Variants in FUNDC2 observed in about 807,000 individuals in gnomAD.
FUNDC2 encodes FUN14 domain-containing protein 2.
A neutral mutation model predicts 15.6 loss-of-function variants in FUNDC2; 4 were observed. The observed-to-expected ratio is 0.26, with a 90% CI of 0.13 to 0.59. The LOEUF is 0.59. Ranked by LOEUF, FUNDC2 falls within the 20% of genes least tolerant of loss-of-function variation. The pLI is 0.90. For synonymous variants in FUNDC2, 44 were observed against 56.9 expected, an observed-to-expected ratio of 0.77 and a Z score of 1.02; for missense variants, 98 against 149.7, an observed-to-expected ratio of 0.65 and a Z score of 1.80.
chrX:155,031,544 G>C (rs1182644701), intron 1 of FUNDC2, among the ~76,000 whole-genome samples: 1 of 112,207 alleles, frequency 8.9e-6, no homozygotes, highest in Non-Finnish European at 1.9e-5. Context: ...TGGCCAGGCT[G>C]GTCTTGAACT....
At chrX:155,038,682 A>G (rs1224819884) in intron 2 of FUNDC2, among the ~76,000 whole-genome samples, 1 of 112,612 alleles carries the variant, frequency 8.9e-6, no homozygotes, top group Non-Finnish European at 1.9e-5. Flanking sequence ...ACAAATATCA[A>G]GATTTCCTTT....
intron 3 of FUNDC2, chrX:155,050,577 C>T (rs781966167): frequency 1.3e-4 from 15 of 112,072 alleles, no homozygotes; most frequent in African/African-American, 3.6e-4. Context: ...GTAATTTGTT[C>T]TTTTTAGTAC....
chrX:155,033,645 A>G (rs1464902079), intron 2 of FUNDC2, 92 bp downstream of exon 2: 8 of 875,449 alleles, frequency 9.1e-6, no homozygotes, highest in Non-Finnish European at 1.3e-5. Flanking sequence ...GTGAAAACAC[A>G]TTGGCTTCTG....
In FUNDC2 at chrX:155,030,367, C is replaced by CAAA. The variant is rs1275771643; in HGVS notation, c.134-3013_134-3011dup. The stretch of plus-strand genomic sequence containing the variant: ...GCAACAAAGTGAGACCTCCTGTCTA[C>CAAA]AAAAAAAAAAAAAAAAAAAAAAAAA... On this transcript the variant is annotated intron_variant, in intron 1 of 4. Coordinates refer to ENST00000369498, the MANE Select transcript of FUNDC2 (RefSeq NM_023934.4). 7.4e-3 allele frequency among the ~76,000 whole-genome samples: 188 copies of CAAA among 25,248 alleles called. 1 individual carries two copies. Among genetic ancestry groups the CAAA allele is most frequent in the East Asian group, 9.9e-3 (7 of 706 alleles). 21.9% of individuals were successfully genotyped at this position (25,248 alleles called of 115,157 possible).
chrX:155,034,744 T>G (rs1347320526), intron 2 of FUNDC2, among the ~76,000 whole-genome samples: 1 of 112,295 alleles, frequency 8.9e-6, no homozygotes, highest in African/African-American at 3.2e-5. Context: ...ATCCAGACTA[T>G]AAAAATTTTA....
chrX:155,035,159 C>T (rs2073827157), intron 2 of FUNDC2, among the ~76,000 whole-genome samples: 1 of 111,351 alleles, frequency 9.0e-6, no homozygotes, highest in Non-Finnish European at 1.9e-5. Context: ...TATTATTTGA[C>T]CTTTCACATT....
In FUNDC2 at chrX:155,056,996, CTGTGAGGGT is replaced by C. The variant is rs2073903252; in HGVS notation, c.*2325_*2333del. ...TTTTCCCAGCTGGCTGCCTCTACGACTGTGAGGGTCATGGTTGAGGTCAGTATTGCAGGT... is the reference window on the plus strand; with the variant it reads ...TTTTCCCAGCTGGCTGCCTCTACGACCATGGTTGAGGTCAGTATTGCAGGT... On this transcript the variant is annotated 3_prime_UTR_variant, in exon 5 of 5. Transcript: ENST00000369498. 2 of 108,144 alleles carry C rather than the reference CTGTGAGGGT, an allele frequency of 1.8e-5. No homozygotes were observed. Among genetic ancestry groups the C allele is most frequent in the Non-Finnish European group, 3.9e-5 (2 of 51,268 alleles). 8.9% of individuals were successfully genotyped at this position (108,144 alleles called of 1,213,427 possible).
At chrX:155,042,629 G>C (rs1294067769) in intron 2 of FUNDC2, among the ~76,000 whole-genome samples, 1 of 110,945 alleles carries the variant, frequency 9.0e-6, no homozygotes, top group Non-Finnish European at 1.9e-5. Flanking sequence ...CATTTATTAG[G>C]GTGTGTGAAG....
intron 2 of FUNDC2, among the ~76,000 whole-genome samples, chrX:155,036,613 C>T (rs1357896893): frequency 1.8e-5 from 2 of 110,794 alleles, no homozygotes; most frequent in African/African-American, 3.3e-5. Context: ...TATATAGGTT[C>T]GGATTTTATA....
chrX:155,027,209 G>A (rs1187420475), intron 1 of FUNDC2, 138 bp downstream of exon 1: 1 of 685,833 alleles, frequency 1.5e-6, no homozygotes, highest in Non-Finnish European at 1.9e-6. Flanking sequence ...GAGGGCGCTC[G>A]GGGATCGCCC....
At chrX:155,028,116 T>C (rs781808324) in intron 1 of FUNDC2, among the ~76,000 whole-genome samples, 3 of 112,191 alleles carry the variant, frequency 2.7e-5, no homozygotes, top group South Asian at 7.2e-4. Flanking sequence ...ACTGCTCTTA[T>C]AGGTTGATCA....
intron 3 of FUNDC2, among the ~76,000 whole-genome samples, chrX:155,047,545 A>G (rs2073866434): frequency 8.9e-6 from 1 of 111,835 alleles, no homozygotes; most frequent in African/African-American, 3.3e-5. Context: ...ATGGCTTCAA[A>G]TAATGATCAC....
chrX:155,039,039 C>T (rs2073840033), intron 2 of FUNDC2, among the ~76,000 whole-genome samples: 1 of 112,207 alleles, frequency 8.9e-6, no homozygotes, highest in South Asian at 3.7e-4. Context: ...TTGATGATAG[C>T]CATCCTAACA....
In FUNDC2 at chrX:155,042,175, C is replaced by CTTTTTTTTTTTTTTTTT. The variant is rs1175079092; in HGVS notation, c.285-4321_285-4305dup. The stretch of plus-strand genomic sequence containing the variant: ...CCTTGCTATAGTTTTCTTTTTCTAT[C>CTTTTTTTTTTTTTTTTT]TTTTTTTTTTTTTTTTTTTTTTTTT... On this transcript the variant is annotated intron_variant, in intron 2 of 4. Transcript: ENST00000369498. Among the ~76,000 whole-genome samples, 6 of 39,200 alleles carry CTTTTTTTTTTTTTTTTT rather than the reference C, an allele frequency of 1.5e-4. 1 individual carries two copies. Among genetic ancestry groups the CTTTTTTTTTTTTTTTTT allele is most frequent in the African/African-American group, 7.9e-4 (6 of 7,643 alleles). The allele number at this position is 39,200 out of a possible 115,157, so 34.0% of individuals were successfully genotyped here. A position where few individuals can be genotyped will look rare whatever the true frequency, so the allele number is the denominator to read the frequency against.
Position 155,028,040 on chromosome X carries a change from CAGAGCAGACTGCTCTTATAGACTTTTATA to C in FUNDC2, c.133+1019_133+1047del, listed in dbSNP as rs782133271. Reference sequence around the variant, plus strand: ...AATGTGATAATTATGTATTTTCCTGCAGAGCAGACTGCTCTTATAGACTTTTATAAGAGCAGACTGCTCTTATAGACTTT... The same window carrying C: ...AATGTGATAATTATGTATTTTCCTGCAGAGCAGACTGCTCTTATAGACTTT... On this transcript the variant is annotated intron_variant, in intron 1 of 4. Transcript: ENST00000369498. Among the ~76,000 whole-genome samples the C allele has an allele frequency of 6.7e-3, 560 of 83,179 alleles. 1 individual carries two copies. The highest frequency in any genetic ancestry group is 0.036 in the East Asian group (102 of 2,817). 72.2% of individuals were successfully genotyped at this position (83,179 alleles called of 115,157 possible).
In FUNDC2 at chrX:155,057,016, G is replaced by A. The variant is rs782726632; in HGVS notation, c.*2344G>A. 9.6e-6 allele frequency: 1 copy of A among 104,019 alleles called. No individual in the cohort carries two copies. The allele number at this position is 104,019 out of a possible 1,213,427, so 8.6% of individuals were successfully genotyped here. A position where few individuals can be genotyped will look rare whatever the true frequency, so the allele number is the denominator to read the frequency against. On this transcript the variant is annotated 3_prime_UTR_variant, in exon 5 of 5. Transcript: ENST00000369498. Reference sequence around the variant, plus strand: ...TACGACTGTGAGGGTCATGGTTGAGGTCAGTATTGCAGGTTGGCCTCATCC... The same window carrying A: ...TACGACTGTGAGGGTCATGGTTGAGATCAGTATTGCAGGTTGGCCTCATCC...
chrX:155,043,869 ATTG>A (rs1557289830), intron 2 of FUNDC2, among the ~76,000 whole-genome samples: 1 of 112,245 alleles, frequency 8.9e-6, no homozygotes, highest in African/African-American at 3.2e-5. Context: ...TTCTCCATGC[ATTG>A]TTGTATTTGT....
chrX:155,035,631 G>A (rs782272766), intron 2 of FUNDC2, among the ~76,000 whole-genome samples: 60 of 111,590 alleles, frequency 5.4e-4, no homozygotes, highest in Admixed American at 1.2e-3. Context: ...TTTAGAAGTG[G>A]AATTACATAG....
intron 3 of FUNDC2, chrX:155,049,472 C>T (rs1557290313): frequency 1.8e-5 from 2 of 113,121 alleles, no homozygotes; most frequent in Non-Finnish European, 3.7e-5. Flanking sequence ...GTATGACACA[C>T]TGTCTTGACT....
Sources: gnomAD v4.1 joint callset for allele counts (sites outside exome capture counted in the v4.1 genomes callset) on GRCh38, gnomAD v4.1.1 for gene constraint, MANE v1.5 for transcripts, NCBI Gene and HGNC (gene_info 2026-07-23, HGNC 2026-07-21) for gene names.